The following PRKAA2 variants were observed in gnomAD, a reference collection of about 807,000 sequenced individuals.
PRKAA2 encodes the protein 5'-AMP-activated protein kinase catalytic subunit alpha-2.
Under a neutral mutation model 56.3 loss-of-function variants are expected in PRKAA2, and 40 were observed. That is an observed-to-expected ratio of 0.71 (90% confidence interval 0.55 to 0.92). The LOEUF (loss-of-function observed/expected upper bound fraction) is 0.92, where lower values mean the gene tolerates loss of function less well. Ranked by LOEUF, PRKAA2 falls within the 40% of genes least tolerant of loss-of-function variation. PRKAA2 has a pLI of 0.00. For missense variants in PRKAA2, 542 were observed against 686.9 expected (o/e 0.79, Z 2.36); for synonymous variants, 214 against 234.2 (o/e 0.91, Z 0.79).
intron 2 of PRKAA2, among the ~76,000 whole-genome samples, chr1:56,689,437 G>T (rs1242237320): frequency 6.6e-6 from 1 of 152,050 alleles, no homozygotes. Flanking sequence ...ATTTCTTCTG[G>T]CCAGGCTTGG....
chr1:56,704,312 GCCCCAA>G lies in PRKAA2; in HGVS notation c.1131_1136del (p.Ser377_Lys379delinsArg). On this transcript the variant is annotated inframe_deletion, in exon 7 of 9. Transcript: ENST00000371244. Reference sequence around the variant, plus strand: ...AGGATGCCACCTCTTATAGCAGACAGCCCCAAAGCAAGATGTCCATTGGATGCACTG... The same window carrying G: ...AGGATGCCACCTCTTATAGCAGACAGAGCAAGATGTCCATTGGATGCACTG... 1 of 1,614,112 alleles carries G rather than the reference GCCCCAA, an allele frequency of 6.2e-7. No individual in the cohort carries two copies. Among genetic ancestry groups the G allele is most frequent in the Non-Finnish European group, 8.5e-7 (1 of 1,180,020 alleles).
Position 56,709,824 on chromosome 1 carries a change from A to G in PRKAA2, c.*2111A>G, listed in dbSNP as rs1644357885. The G allele has an allele frequency of 6.6e-6, 1 of 152,170 alleles. No homozygotes were observed. The highest frequency in any genetic ancestry group is 2.4e-5 in the African/African-American group (1 of 41,446). The allele number at this position is 152,170 out of a possible 1,614,324, so 9.4% of individuals were successfully genotyped here. On this transcript the variant is annotated 3_prime_UTR_variant, in exon 9 of 9. Transcript: ENST00000371244. ...AAATTACCTTATATGGATTATTGCCATGTTTTTTGAGAGTTAATTATTTAC... is the reference window on the plus strand; with the variant it reads ...AAATTACCTTATATGGATTATTGCCGTGTTTTTTGAGAGTTAATTATTTAC...
At chr1:56,646,216 T>G (rs1291980084) in intron 1 of PRKAA2, among the ~76,000 whole-genome samples, 1 of 152,124 alleles carries the variant, frequency 6.6e-6, no homozygotes, top group Non-Finnish European at 1.5e-5. Flanking sequence ...TCCTGGGGTG[T>G]TGTTTAACGC....
At chr1:56,695,166 C>CTCTATATATGATATATTATATA (rs1557559857) in intron 5 of PRKAA2, among the ~76,000 whole-genome samples, 2 of 142,652 alleles carry the variant, frequency 1.4e-5, no homozygotes, top group African/African-American at 5.2e-5. Context: ...ATCTCTCTCT[C>CTCTATATATGATATATTATATA]TATATATATG....
intron 1 of PRKAA2, among the ~76,000 whole-genome samples, chr1:56,657,158 A>G (rs1236721907): frequency 6.6e-6 from 1 of 152,102 alleles, no homozygotes; most frequent in Non-Finnish European, 1.5e-5. Flanking sequence ...GACTGTATTT[A>G]TCCTTGCAGA....
intron 1 of PRKAA2, among the ~76,000 whole-genome samples, chr1:56,665,102 G>A (rs1180082142): frequency 5.7e-5 from 8 of 141,266 alleles, no homozygotes; most frequent in Non-Finnish European, 9.1e-5. Context: ...TTGAGACAGC[G>A]TCCAAAAAAA....
intron 1 of PRKAA2, among the ~76,000 whole-genome samples, chr1:56,669,139 G>A (rs1343814998): frequency 1.3e-5 from 2 of 152,088 alleles, no homozygotes; most frequent in Admixed American, 1.3e-4. Context: ...AGCTTCCTCT[G>A]TTTGAATACT....
intron 6 of PRKAA2, 23 bp downstream of exon 6, chr1:56,696,182 T>C: frequency 6.4e-7 from 1 of 1,570,164 alleles, no homozygotes; most frequent in Non-Finnish European, 8.7e-7. Flanking sequence ...TTTGTTTCTG[T>C]TCTGCATATT....
chr1:56,655,280 A>ATATATATATATATATATTTTTT, intron 1 of PRKAA2, among the ~76,000 whole-genome samples: 1 of 93,652 alleles, frequency 1.1e-5, no homozygotes, highest in African/African-American at 4.5e-5. Context: ...ATATATATAT[A>ATATATATATATATATATTTTTT]TTTTTTTTTT....
intron 6 of PRKAA2, among the ~76,000 whole-genome samples, chr1:56,700,967 A>AT (rs1338766227): frequency 6.6e-6 from 1 of 152,056 alleles, no homozygotes; most frequent in East Asian, 1.9e-4. Flanking sequence ...CACCTTTCTT[A>AT]TTGAGATTCA....
chr1:56,666,116 G>A (rs1430285506), intron 1 of PRKAA2, among the ~76,000 whole-genome samples: 1 of 152,164 alleles, frequency 6.6e-6, no homozygotes, highest in Non-Finnish European at 1.5e-5. Context: ...AGCAATACTA[G>A]TAGATTGTGA....
chr1:56,690,219 A>G (rs570867760), intron 2 of PRKAA2, among the ~76,000 whole-genome samples: 12 of 148,336 alleles, frequency 8.1e-5, no homozygotes, highest in South Asian at 6.4e-4. Context: ...GCTGGAGTGC[A>G]GTGGCACGAT....
chr1:56,700,448 A>G (rs745656309), intron 6 of PRKAA2, among the ~76,000 whole-genome samples: 2 of 152,140 alleles, frequency 1.3e-5, no homozygotes, highest in East Asian at 1.9e-4. Flanking sequence ...TTCTCAGGCA[A>G]ACACACAACT....
intron 4 of PRKAA2, 59 bp downstream of exon 4, chr1:56,692,561 C>A: frequency 6.6e-7 from 1 of 1,525,448 alleles, no homozygotes; most frequent in South Asian, 1.2e-5. Flanking sequence ...CATAACAACT[C>A]ATTGAACTAA....
At chr1:56,688,152 A>C (rs947281641) in intron 2 of PRKAA2, among the ~76,000 whole-genome samples, 2 of 152,134 alleles carry the variant, frequency 1.3e-5, no homozygotes, top group East Asian at 3.9e-4. Flanking sequence ...CTAAATCCTT[A>C]ATGTAAAACT....
At chr1:56,681,202 T>C (rs1322475758) in intron 2 of PRKAA2, among the ~76,000 whole-genome samples, 3 of 152,100 alleles carry the variant, frequency 2.0e-5, no homozygotes, top group African/African-American at 7.2e-5. Flanking sequence ...TTTGATGGGG[T>C]TGTTTGATTT....
Position 56,645,493 on chromosome 1 carries a change from G to C in PRKAA2, c.94+12G>C, listed in dbSNP as rs1195319221. The C allele has an allele frequency of 2.0e-6, 3 of 1,472,636 alleles. No individual in the cohort carries two copies. Among genetic ancestry groups the C allele is most frequent in the South Asian group, 2.5e-5 (2 of 80,240 alleles). 91.2% of individuals were successfully genotyped at this position (1,472,636 alleles called of 1,614,324 possible). ...CGGCAAAGTGAAGAGTTGAGTACGC[G>C]CTCCGGACCGCTGTGCGGGGCTGCC... On this transcript the variant is annotated intron_variant, in intron 1 of 8. Coordinates refer to ENST00000371244, the MANE Select transcript of PRKAA2 (RefSeq NM_006252.4).
At chr1:56,692,210 T>G in intron 3 of PRKAA2, 148 bp from the exon 4 acceptor site, 2 of 883,142 alleles carry the variant, frequency 2.3e-6, no homozygotes, top group Admixed American at 2.5e-5. Flanking sequence ...TTTTGTATTT[T>G]TAGTAGAGAT....
rs148946826 is a variant in PRKAA2 at position 56,703,652 on chromosome 1, A to G, written c.789-319A>G. Among the ~76,000 whole-genome samples, 53 of 152,348 alleles carry G rather than the reference A, an allele frequency of 3.5e-4. No individual in the cohort carries two copies. The East Asian group carries it at 8.3e-3, about 24-fold the overall frequency. On this transcript the variant is annotated intron_variant, in intron 6 of 8. Transcript: ENST00000371244. ...TTGAGAAGCTGTTAAACTCACACAA[A>G]TAATACAAAATTTGAAATTTTTGCT...
Sources: gnomAD v4.1 joint callset for allele counts (sites outside exome capture counted in the v4.1 genomes callset) on GRCh38, gnomAD v4.1.1 for gene constraint, MANE v1.5 for transcripts, NCBI Gene and HGNC (gene_info 2026-07-23, HGNC 2026-07-21) for gene names.